The following SH3BP4 variants were observed in gnomAD, a reference collection of about 807,000 sequenced individuals.
SH3BP4 encodes the protein SH3 domain binding protein 4, also known as SH3 domain-binding protein 4.
Under a neutral mutation model 65.5 loss-of-function variants are expected in SH3BP4, and 33 were observed. The observed-to-expected ratio is 0.50, with a 90% CI of 0.38 to 0.67. The LOEUF (loss-of-function observed/expected upper bound fraction) is 0.67. Ranked by LOEUF, SH3BP4 falls within the 30% of genes least tolerant of loss-of-function variation. The probability of loss-of-function intolerance (pLI) is 0.00; values close to 1 mark genes in which losing one functional copy is unlikely to be tolerated. For missense variants in SH3BP4, 1,134 were observed against 1,261.4 expected (o/e 0.90, Z 1.53); for synonymous variants, 552 against 545.5 (o/e 1.01, Z -0.17).
chr2:235,038,370 TATATAC>T (rs1207000182), intron 3 of SH3BP4, among the ~76,000 whole-genome samples: 47 of 43,798 alleles, frequency 1.1e-3, no homozygotes, highest in Middle Eastern at 9.1e-3. Flanking sequence ...ATATATAATA[TATATAC>T]ATATATATAT....
rs1461052904 is a variant in SH3BP4, at chr2:235,041,347, T to A, written c.578T>A (p.Leu193His). 38 of 1,613,996 alleles carry A rather than the reference T, an allele frequency of 2.4e-5. No individual in the cohort carries two copies. The highest frequency in any genetic ancestry group is 3.2e-5 in the Non-Finnish European group (38 of 1,180,018). Residue 193 changes from leucine to histidine, a missense_variant, in exon 4 of 6, where the codon CTC (leucine) becomes CAC (histidine). Leu to His is a moderately conservative substitution (Grantham distance 99). Transcript: ENST00000392011. The surrounding 1 kb of genome is among the most constrained non-coding windows in gnomAD (Gnocchi z 6.0). Reference sequence around the variant, plus strand: ...AATCCCAAAAGTACTGTGGATTTGCTCCTTTTTGACGCAGGTACATCCTCC... The same window carrying A: ...AATCCCAAAAGTACTGTGGATTTGCACCTTTTTGACGCAGGTACATCCTCC... ...ELNPKSTVDL[L>H]LFDAGTSSFT... is the part of the protein sequence containing the mutation.
At position 234,977,939 on chromosome 2, in the gene SH3BP4, C is replaced by T. The variant is rs936610037; in HGVS notation, c.-206-17364C>T. Among the ~76,000 whole-genome samples the T allele has an allele frequency of 6.6e-6, 1 of 152,050 alleles. No homozygotes were observed. The highest frequency in any genetic ancestry group is 1.5e-5 in the Non-Finnish European group (1 of 67,996). ...GGCCAGTCTGTCCCACTTGGATGGT[C>T]TGTTTCTATTTTATTTTATTTTTTA... On this transcript the variant is annotated intron_variant, in intron 1 of 5. Transcript: ENST00000392011. This position sits in a 1 kb window ranked among gnomAD's most constrained non-coding sequence, Gnocchi z 5.1.
In SH3BP4 at chr2:235,053,865, C is replaced by G; in HGVS notation, c.*49C>G. 1 of 1,422,688 alleles carries G rather than the reference C, an allele frequency of 7.0e-7. No individual in the cohort carries two copies. Among genetic ancestry groups the G allele is most frequent in the Non-Finnish European group, 9.9e-7 (1 of 1,007,586 alleles). The allele number at this position is 1,422,688 out of a possible 1,614,324, so 88.1% of individuals were successfully genotyped here. ...CTCTGGAGTGCAAGCCCTCTTCTGCCCTGCGTGCCCTGCTGTCACCGCGGA... is the reference window on the plus strand; with the variant it reads ...CTCTGGAGTGCAAGCCCTCTTCTGCGCTGCGTGCCCTGCTGTCACCGCGGA... On this transcript the variant is annotated 3_prime_UTR_variant, in exon 6 of 6. Transcript: ENST00000392011.
At chr2:234,979,970 A>G (rs1442607234) in intron 1 of SH3BP4, 1 of 152,262 alleles carries the variant, frequency 6.6e-6, no homozygotes, top group African/African-American at 2.4e-5. Flanking sequence ...CTGGATTCCT[A>G]ACCTACAGAA....
chr2:234,994,627 C>T (rs114360541), intron 1 of SH3BP4: 3,623 of 152,276 alleles, frequency 0.024, 52 homozygotes, highest in Non-Finnish European at 0.036. Context: ...CCCACTGCTG[C>T]GGTGTGTCTG....
At chr2:234,984,865 T>C (rs1005358911) in intron 1 of SH3BP4, among the ~76,000 whole-genome samples, 1 of 151,616 alleles carries the variant, frequency 6.6e-6, no homozygotes, top group Non-Finnish European at 1.5e-5. Flanking sequence ...TAGAAGAGGG[T>C]GAGAAGAGGG....
Position 235,052,172 on chromosome 2 carries a change from T to C in SH3BP4, c.2479-390T>C, listed in dbSNP as rs562536577. Among the ~76,000 whole-genome samples, 8 of 144,546 alleles carry C rather than the reference T, an allele frequency of 5.5e-5. No individual in the cohort carries two copies. In the South Asian group the frequency reaches 1.9e-3, roughly 35 times the overall value. 94.8% of individuals were successfully genotyped at this position (144,546 alleles called of 152,430 possible). On this transcript the variant is annotated intron_variant, in intron 4 of 5. Transcript: ENST00000392011. This position sits in a 1 kb window ranked among gnomAD's most constrained non-coding sequence, Gnocchi z 5.0. ...CGCATCTGTCCCGTCTCTGCCTCCG[T>C]CTTCACACGGCCTTCTTCTCTCTGC...
chr2:234,953,472 C>T (rs533366447), intron 1 of SH3BP4, among the ~76,000 whole-genome samples: 3 of 152,214 alleles, frequency 2.0e-5, no homozygotes, highest in Non-Finnish European at 4.4e-5. Context: ...CCACGAGTCC[C>T]CTTCCCAGTG....
chr2:234,964,928 A>G (rs1451411865), intron 1 of SH3BP4, among the ~76,000 whole-genome samples: 1 of 152,126 alleles, frequency 6.6e-6, no homozygotes, highest in Non-Finnish European at 1.5e-5. Context: ...CCTGTGCACC[A>G]CATCCTGTTC....
Position 235,042,965 on chromosome 2 carries a change from C to T in SH3BP4, c.2196C>T (p.Gly732=). 1.9e-6 allele frequency: 3 copies of T among 1,612,936 alleles called. No individual in the cohort carries two copies. Among genetic ancestry groups the T allele is most frequent in the Non-Finnish European group, 1.7e-6 (2 of 1,179,628 alleles). Residue 732 remains glycine (G), a synonymous_variant, in exon 4 of 6, where the codon GGC becomes GGT. Transcript: ENST00000392011. The surrounding 1 kb of genome is among the most constrained non-coding windows in gnomAD (Gnocchi z 7.3). The stretch of plus-strand genomic sequence containing the variant: ...GGGCCCGGCCCAGCCTGTGCTCGGG[C>T]CCCGAGCTGAGCACCTCGGTGCTGC... ...VGRARPSLCS[G]PELSTSVLLE...
chr2:235,052,672 G>A lies in SH3BP4; in HGVS notation c.2589G>A (p.Lys863=), dbSNP rs1386373500. ...AGCGCTGGCGGGAGCTGGCTGAGAAGCTGGCCAAGGTCTCCAAGCAGCAGA... is the reference window on the plus strand; with the variant it reads ...AGCGCTGGCGGGAGCTGGCTGAGAAACTGGCCAAGGTCTCCAAGCAGCAGA... ...VAQRWRELAE[K]LAKVSKQQMD... is the part of the protein sequence containing the mutation. Residue 863 remains lysine (K), a synonymous_variant, in exon 5 of 6, where the codon AAG becomes AAA. Transcript: ENST00000392011. The surrounding 1 kb of genome is among the most constrained non-coding windows in gnomAD (Gnocchi z 5.0). The A allele has an allele frequency of 6.3e-7, 1 of 1,599,912 alleles. No homozygotes were observed. The highest frequency in any genetic ancestry group is 2.3e-5 in the East Asian group (1 of 43,976).
At chr2:234,961,559 A>G (rs1025536161) in intron 1 of SH3BP4, among the ~76,000 whole-genome samples, 2 of 152,176 alleles carry the variant, frequency 1.3e-5, no homozygotes, top group African/African-American at 4.8e-5. Context: ...GGTGTGAGCC[A>G]CTGCGCCCGG....
In SH3BP4 at chr2:235,026,383, G is replaced by A. The variant is rs1019451575; in HGVS notation, c.-132-8488G>A. Among the ~76,000 whole-genome samples, 11 of 152,118 alleles carry A rather than the reference G, an allele frequency of 7.2e-5. No homozygotes were observed. The highest frequency in any genetic ancestry group is 1.3e-4 in the Non-Finnish European group (9 of 68,022). On this transcript the variant is annotated intron_variant, in intron 2 of 5. Coordinates refer to ENST00000392011, the MANE Select transcript of SH3BP4 (RefSeq NM_014521.3). The surrounding 1 kb of genome is among the most constrained non-coding windows in gnomAD (Gnocchi z 4.6). ...ACGACTCATGGCCCTTGTTTTCCCC[G>A]CATCTCTGGAGTCTGAGTCACCAGC...
intron 2 of SH3BP4, among the ~76,000 whole-genome samples, chr2:235,006,839 G>T (rs963898878): frequency 3.3e-5 from 5 of 152,168 alleles, no homozygotes; most frequent in African/African-American, 1.2e-4. Flanking sequence ...AAGGGAGGGG[G>T]ACTAGGGCAG....
intron 2 of SH3BP4, among the ~76,000 whole-genome samples, chr2:235,023,534 G>A (rs186350539): frequency 7.8e-4 from 119 of 152,166 alleles, no homozygotes; most frequent in African/African-American, 2.2e-3. Context: ...GTGACACAGT[G>A]AGACTCCATC....
chr2:234,991,255 G>A lies in SH3BP4; in HGVS notation c.-206-4048G>A, dbSNP rs1329978531. 6.6e-6 allele frequency among the ~76,000 whole-genome samples: 1 copy of A among 152,164 alleles called. No homozygotes were observed. On this transcript the variant is annotated intron_variant, in intron 1 of 5. Transcript: ENST00000392011. This position sits in a 1 kb window ranked among gnomAD's most constrained non-coding sequence, Gnocchi z 4.2. ...GGATGTGGTAGGGTGAGGACCATGA[G>A]CCTCATATCATTTATCCACTCACCC... is the stretch of plus-strand genomic sequence containing the variant.
At position 235,035,188 on chromosome 2, in the gene SH3BP4, A is replaced by G. The variant is rs1695339367; in HGVS notation, c.118+68A>G. On this transcript the variant is annotated intron_variant, in intron 3 of 5. Coordinates refer to ENST00000392011, the MANE Select transcript of SH3BP4 (RefSeq NM_014521.3). This position sits in a 1 kb window ranked among gnomAD's most constrained non-coding sequence, Gnocchi z 5.0. ...GGGATTTTCAAGTTGGGATCCAAGA[A>G]CTTTTCTGCTTTAAAGATTGCCAGT... 1.7e-6 allele frequency: 2 copies of G among 1,172,118 alleles called. No homozygotes were observed. Among genetic ancestry groups the G allele is most frequent in the East Asian group, 2.3e-5 (1 of 42,896 alleles). The allele number at this position is 1,172,118 out of a possible 1,614,324, so 72.6% of individuals were successfully genotyped here.
chr2:235,053,785 G>A lies in SH3BP4; in HGVS notation c.2861G>A (p.Ser954Asn). Reference sequence around the variant, plus strand: ...GACGTTCTGAGAGCAGCCGCCTTCAGCCCTGCGGACCAGGACGACTTCGTG... The same window carrying A: ...GACGTTCTGAGAGCAGCCGCCTTCAACCCTGCGGACCAGGACGACTTCGTG... ...SLDVLRAAAF[S>N]PADQDDFVI The change falls in exon 6 of 6, where the codon AGC becomes AAC. Residue 954 changes from serine (S) to asparagine (N), a missense_variant. Ser to Asn is a conservative substitution (Grantham distance 46). Transcript: ENST00000392011. 1 of 1,614,208 alleles carries A rather than the reference G, an allele frequency of 6.2e-7. No homozygotes were observed. The highest frequency in any genetic ancestry group is 8.5e-7 in the Non-Finnish European group (1 of 1,180,020).
chr2:234,999,106 C>T (rs1235354292), intron 2 of SH3BP4, among the ~76,000 whole-genome samples: 1 of 152,180 alleles, frequency 6.6e-6, no homozygotes, highest in Non-Finnish European at 1.5e-5. Context: ...GTGAGGCCAT[C>T]AGCTGCCGAA....
Sources: gnomAD v4.1 joint callset for allele counts (sites outside exome capture counted in the v4.1 genomes callset) on GRCh38, gnomAD v4.1.1 for gene constraint, Gnocchi (gnomAD v3.1) non-coding constraint, MANE v1.5 for transcripts, NCBI Gene and HGNC (gene_info 2026-07-23, HGNC 2026-07-21) for gene names.